GASK1A: variants seen among roughly 807,000 people sequenced by gnomAD.
GASK1A encodes Golgi-associated kinase 1A.
A neutral mutation model predicts 41.2 loss-of-function variants in GASK1A; 40 were observed. That is an observed-to-expected ratio of 0.97 (90% CI 0.75 to 1.27). The LOEUF (loss-of-function observed/expected upper bound fraction) is 1.27, where lower values mean the gene tolerates loss of function less well. GASK1A is among the 50% of genes most tolerant of loss of function. The pLI, the probability that GASK1A is intolerant of heterozygous loss-of-function variation, is 0.00. For missense variants in GASK1A, 678 were observed against 745.1 expected (o/e 0.91, Z 1.05); for synonymous variants, 316 against 307.1 (o/e 1.03, Z -0.30).
intron 1 of GASK1A, among the ~76,000 whole-genome samples, chr3:43,016,013 T>C (rs2089489320): frequency 7.3e-6 from 1 of 137,464 alleles, no homozygotes; most frequent in Admixed American, 7.2e-5. Flanking sequence ...GGAAGTCACA[T>C]GGAGGGCCAG....
rs1348034529 is a variant in GASK1A, at chr3:42,984,964, G to A, written c.3+5319G>A. On this transcript the variant is annotated intron_variant, in intron 1 of 4. Transcript: ENST00000430121. This position sits in a 1 kb window ranked among gnomAD's most constrained non-coding sequence, Gnocchi z 4.2. Reference sequence around the variant, plus strand: ...TTTTGGAGTGGGCATACTTTAGGTTGTAAATTGACTGTTATCTCTCGAGGC... The same window carrying A: ...TTTTGGAGTGGGCATACTTTAGGTTATAAATTGACTGTTATCTCTCGAGGC... 2.6e-5 allele frequency among the ~76,000 whole-genome samples: 4 copies of A among 152,142 alleles called. No homozygotes were observed. Among genetic ancestry groups the A allele is most frequent in the African/African-American group, 9.7e-5 (4 of 41,428 alleles).
rs1261656878 is a variant in GASK1A, at chr3:43,033,397, G to C, written c.1134G>C (p.Leu378=). 16 of 1,551,632 alleles carry C rather than the reference G, an allele frequency of 1.0e-5. No homozygotes were observed. The highest frequency in any genetic ancestry group is 1.3e-5 in the Non-Finnish European group (15 of 1,147,004). The change falls in exon 2 of 5, where the codon CTG becomes CTC. Residue 378 remains leucine (L), a synonymous_variant. Transcript: ENST00000430121. ...VIWWAPDVQH[L]SDPDEDQNSL... Reference sequence around the variant, plus strand: ...GGTGGGCACCCGATGTGCAGCACCTGAGCGACCCAGATGAGGATCAGAACT... The same window carrying C: ...GGTGGGCACCCGATGTGCAGCACCTCAGCGACCCAGATGAGGATCAGAACT...
At chr3:43,041,506 G>T (rs903136875) in intron 2 of GASK1A, among the ~76,000 whole-genome samples, 1 of 151,972 alleles carries the variant, frequency 6.6e-6, no homozygotes, top group African/African-American at 2.4e-5. Flanking sequence ...TGTGTTTTTT[G>T]GCTGCATAAA....
chr3:42,987,499 A>G lies in GASK1A; in HGVS notation c.3+7854A>G, dbSNP rs147700790. Among the ~76,000 whole-genome samples, 612 of 152,298 alleles carry G rather than the reference A, an allele frequency of 4.0e-3. 3 individuals are homozygous for G. The highest frequency in any genetic ancestry group is 0.013 in the African/African-American group (532 of 41,560). ...CTATGAATTAAAGAATAAAAGATTG[A>G]TCAGATTATATGAAGAGAAACCTCA... On this transcript the variant is annotated intron_variant, in intron 1 of 4. Transcript: ENST00000430121.
chr3:43,026,436 T>C (rs144783178), intron 1 of GASK1A, among the ~76,000 whole-genome samples: 88 of 152,372 alleles, frequency 5.8e-4, no homozygotes, highest in Non-Finnish European at 1.1e-3. Context: ...GCAATGTTTC[T>C]TAACAGATGA....
chr3:43,053,924 C>G (rs1559408787), intron 3 of GASK1A: 1 of 488,006 alleles, frequency 2.0e-6, no homozygotes, highest in Non-Finnish European at 3.8e-6. Flanking sequence ...CAGGGAACAA[C>G]TAGGGCTCCT....
At chr3:43,027,960 G>A (rs2089553922) in intron 1 of GASK1A, among the ~76,000 whole-genome samples, 1 of 152,224 alleles carries the variant, frequency 6.6e-6, no homozygotes, top group Non-Finnish European at 1.5e-5. Flanking sequence ...ATACATTTAA[G>A]AGGTACATTG....
chr3:43,009,552 T>TGACACA (rs2089453305), intron 1 of GASK1A, among the ~76,000 whole-genome samples: 1 of 152,208 alleles, frequency 6.6e-6, no homozygotes, highest in African/African-American at 2.4e-5. Context: ...TCTCAGCTCT[T>TGACACA]CTACTTAGAT....
intron 1 of GASK1A, among the ~76,000 whole-genome samples, chr3:43,005,177 G>T (rs2089430005): frequency 6.6e-6 from 1 of 152,090 alleles, no homozygotes; most frequent in African/African-American, 2.4e-5. Context: ...CCCATTTCAA[G>T]ACCCTTAATT....
chr3:43,044,074 ATGC>A (rs2089650094), intron 2 of GASK1A, among the ~76,000 whole-genome samples: 1 of 152,206 alleles, frequency 6.6e-6, no homozygotes, highest in Non-Finnish European at 1.5e-5. Flanking sequence ...CTGGAAATAG[ATGC>A]TGCTGCAAGT....
At chr3:42,988,674 C>T (rs541965827) in intron 1 of GASK1A, among the ~76,000 whole-genome samples, 3 of 152,242 alleles carry the variant, frequency 2.0e-5, no homozygotes, top group East Asian at 3.9e-4. Context: ...GCGGGGCTCC[C>T]GGGCTGCATG....
At position 43,032,922 on chromosome 3, in the gene GASK1A, C is replaced by T. The variant is rs936378777; in HGVS notation, c.659C>T (p.Pro220Leu). ...ACTGGTGGGCAACAAGCAGAGGATC[C>T]CACCTTGGCCTCAGGAGCTCATCAG... Reference protein sequence around the residue: ...ALTGGQQAEDPTLASGAHQWP... With the variant: ...ALTGGQQAEDLTLASGAHQWP... The change falls in exon 2 of 5, where the codon CCC becomes CTC. Residue 220 changes from proline to leucine, a missense_variant. Transcript: ENST00000430121. 1.9e-6 allele frequency: 3 copies of T among 1,551,192 alleles called. No individual in the cohort carries two copies. The highest frequency in any genetic ancestry group is 2.6e-6 in the Non-Finnish European group (3 of 1,146,862).
chr3:43,011,337 G>A (rs947229660), intron 1 of GASK1A, among the ~76,000 whole-genome samples: 2 of 144,406 alleles, frequency 1.4e-5, no homozygotes, highest in East Asian at 2.1e-4. Flanking sequence ...AGCCGAGGTC[G>A]CACCACTGCA....
intron 3 of GASK1A, chr3:43,053,852 G>A (rs1575453982): frequency 1.4e-6 from 1 of 699,714 alleles, no homozygotes; most frequent in East Asian, 2.9e-5. Context: ...TGTGCCTGAG[G>A]AGGGGTGTGG....
chr3:42,996,577 C>T (rs2089370627), intron 1 of GASK1A, among the ~76,000 whole-genome samples: 1 of 152,102 alleles, frequency 6.6e-6, no homozygotes, highest in South Asian at 2.1e-4. Flanking sequence ...AAATCAAGGC[C>T]CAAGGTCACA....
At chr3:43,024,943 G>A (rs909656464) in intron 1 of GASK1A, among the ~76,000 whole-genome samples, 2 of 152,192 alleles carry the variant, frequency 1.3e-5, no homozygotes, top group African/African-American at 4.8e-5. Flanking sequence ...AAGGCTTCCT[G>A]GGGGAGGTGG....
At chr3:43,025,589 G>A (rs545344376) in intron 1 of GASK1A, among the ~76,000 whole-genome samples, 1 of 152,294 alleles carries the variant, frequency 6.6e-6, no homozygotes, top group African/African-American at 2.4e-5. Flanking sequence ...AGAAGAATGC[G>A]GCTAAGTGAT....
chr3:43,037,168 A>T (rs2089608782), intron 2 of GASK1A: 1 of 1,094,394 alleles, frequency 9.1e-7, no homozygotes, highest in South Asian at 1.3e-5. Context: ...GCTTCAGTGG[A>T]AGAAGTGGCC....
chr3:42,990,253 G>A (rs2089333102), intron 1 of GASK1A, among the ~76,000 whole-genome samples: 1 of 151,928 alleles, frequency 6.6e-6, no homozygotes, highest in Admixed American at 6.5e-5. Flanking sequence ...AAGAGGCTGA[G>A]GTGGGAGGAT....
Sources: allele counts gnomAD v4.1 joint callset (sites outside exome capture counted in the v4.1 genomes callset), GRCh38; gene constraint gnomAD v4.1.1; non-coding constraint Gnocchi (gnomAD v3.1); transcripts MANE v1.5; gene names NCBI Gene and HGNC (gene_info 2026-07-23, HGNC 2026-07-21).